RNF150: variants seen among roughly 807,000 people sequenced by gnomAD.
RNF150 encodes ring finger protein 150.
Under a neutral mutation model 39.3 loss-of-function variants are expected in RNF150, and 24 were observed. The observed-to-expected ratio is 0.61, with a 90% CI of 0.44 to 0.86. RNF150 has a LOEUF of 0.86. Ranked by LOEUF, RNF150 falls within the 40% of genes least tolerant of loss-of-function variation. The pLI, the probability that RNF150 is intolerant of heterozygous loss-of-function variation, is 0.00. For synonymous variants in RNF150, 255 were observed against 227.3 expected, an observed-to-expected ratio of 1.12 and a Z score of -1.10; for missense variants, 502 against 587.8, an observed-to-expected ratio of 0.85 and a Z score of 1.51.
At chr4:141,049,747 T>C (rs1056148229) in intron 1 of RNF150, among the ~76,000 whole-genome samples, 4 of 151,950 alleles carry the variant, frequency 2.6e-5, no homozygotes, top group Admixed American at 1.3e-4. Flanking sequence ...TAAATTCATC[T>C]ATGGATATAA....
rs139463111 is a variant in RNF150, at chr4:140,868,265, G to T, written c.1313C>A (p.Ser438Tyr). ...STDQDCEEVK[S>Y] ...TTTGCTTCTGGATTTGTCGTTTCAA[G>T]ATTTCACTTCTTCACAGTCCTGGTC... The change falls in exon 7 of 7, where the codon TCT becomes TAT. Residue 438 changes from serine (S) to tyrosine (Y), a missense_variant. Coordinates refer to ENST00000515673, the MANE Select transcript of RNF150 (RefSeq NM_020724.2). 6.4e-7 allele frequency: 1 copy of T among 1,567,118 alleles called. No individual in the cohort carries two copies. The highest frequency in any genetic ancestry group is 8.8e-7 in the Non-Finnish European group (1 of 1,137,548).
chr4:141,132,524 C>G lies in RNF150; in HGVS notation c.285G>C (p.Ser95=). ...GGTCGCAGGCCAGGCGGTCGTGGGC[C>G]GAGCTGGCCATGACCACCTCCCCGC... The part of the protein sequence containing the change: ...DARGEVVMAS[S]AHDRLACDPN... The change falls in exon 1 of 7, where the codon TCG becomes TCC. Residue 95 remains serine (S), a synonymous_variant. Coordinates refer to ENST00000515673, the MANE Select transcript of RNF150 (RefSeq NM_020724.2). This position sits in a 1 kb window ranked among gnomAD's most constrained non-coding sequence, Gnocchi z 4.9. The G allele has an allele frequency of 1.2e-6, 2 of 1,601,222 alleles. No individual in the cohort carries two copies. Among genetic ancestry groups the G allele is most frequent in the East Asian group, 2.3e-5 (1 of 44,244 alleles).
chr4:140,875,162 CGT>C (rs914623287), intron 6 of RNF150, among the ~76,000 whole-genome samples: 4 of 141,616 alleles, frequency 2.8e-5, no homozygotes, highest in Admixed American at 7.1e-5. Context: ...ACAATCATTA[CGT>C]TTTTTTTTTT....
At chr4:141,187,001 A>T (rs1728024625) in intron 1 of RNF150, among the ~76,000 whole-genome samples, 1 of 152,116 alleles carries the variant, frequency 6.6e-6, no homozygotes, top group Non-Finnish European at 1.5e-5. Flanking sequence ...AGTGCAATAG[A>T]TTTCCCTGGA....
chr4:140,916,191 C>T (rs553373571), intron 5 of RNF150, among the ~76,000 whole-genome samples: 12 of 152,236 alleles, frequency 7.9e-5, no homozygotes, highest in East Asian at 3.9e-4. Flanking sequence ...CAAAGCTGGA[C>T]GGAGAATGAC....
chr4:141,000,233 T>A (rs2111503337), intron 1 of RNF150, among the ~76,000 whole-genome samples: 1 of 152,294 alleles, frequency 6.6e-6, no homozygotes, highest in Admixed American at 6.5e-5. Context: ...CAGGCAAGCC[T>A]CTTCAAGGAA....
At chr4:141,048,143 A>G (rs1489523775) in intron 1 of RNF150, among the ~76,000 whole-genome samples, 1 of 152,222 alleles carries the variant, frequency 6.6e-6, no homozygotes, top group Non-Finnish European at 1.5e-5. Flanking sequence ...TGTCATTTAA[A>G]GCTATTTTAT....
chr4:140,978,563 AGAATTATT>A (rs1365565501), intron 1 of RNF150, among the ~76,000 whole-genome samples: 3 of 152,182 alleles, frequency 2.0e-5, no homozygotes, highest in African/African-American at 7.2e-5. Context: ...ATGTAGAATA[AGAATTATT>A]GAATTATTGA....
At chr4:141,118,162 A>T (rs1726490714) in intron 1 of RNF150, among the ~76,000 whole-genome samples, 1 of 152,062 alleles carries the variant, frequency 6.6e-6, no homozygotes, top group Non-Finnish European at 1.5e-5. Context: ...GACCCGTTAC[A>T]TGGCCCCAAA....
chr4:141,193,359 A>C (rs1413526282), intron 1 of RNF150, among the ~76,000 whole-genome samples: 1 of 152,214 alleles, frequency 6.6e-6, no homozygotes, highest in African/African-American at 2.4e-5. Context: ...TTTTGTGCCC[A>C]ATCTTGGGCT....
chr4:140,876,153 T>C (rs1456721112), intron 6 of RNF150, among the ~76,000 whole-genome samples: 2 of 152,220 alleles, frequency 1.3e-5, no homozygotes, highest in African/African-American at 2.4e-5. Context: ...AAAAATGGCA[T>C]CCTTCTGTCC....
chr4:141,135,637 C>T (rs1051164523), upstream of RNF150, among the ~76,000 whole-genome samples: 7 of 152,300 alleles, frequency 4.6e-5, no homozygotes, highest in Admixed American at 6.5e-5. Flanking sequence ...GAAATACCTA[C>T]TGATAAGGAT....
intron 6 of RNF150, among the ~76,000 whole-genome samples, chr4:140,900,820 T>TTATATATATATATA (rs3033126): frequency 6.6e-6 from 1 of 150,710 alleles, no homozygotes; most frequent in African/African-American, 2.4e-5. Context: ...GCTAGGAACT[T>TTATATATATATATA]TATATATATA....
intron 1 of RNF150, among the ~76,000 whole-genome samples, chr4:141,076,829 C>G (rs1737913519): frequency 6.6e-6 from 1 of 151,932 alleles, no homozygotes; most frequent in African/African-American, 2.4e-5. Flanking sequence ...AAATTGTATT[C>G]ATTTTAAAAT....
At chr4:141,209,961 T>C (rs1011980148) in intron 1 of RNF150, among the ~76,000 whole-genome samples, 1 of 152,158 alleles carries the variant, frequency 6.6e-6, no homozygotes, top group African/African-American at 2.4e-5. Context: ...AACTATTGTA[T>C]TGGAAGTCTT....
intron 1 of RNF150, among the ~76,000 whole-genome samples, chr4:141,108,466 T>C (rs1739283793): frequency 6.6e-6 from 1 of 152,204 alleles, no homozygotes; most frequent in South Asian, 2.1e-4. Flanking sequence ...CCAAGTTCTA[T>C]ACTAAGTGCT....
chr4:141,082,437 T>A (rs1738190660), intron 1 of RNF150, among the ~76,000 whole-genome samples: 1 of 152,068 alleles, frequency 6.6e-6, no homozygotes, highest in African/African-American at 2.4e-5. Context: ...ATTTCCTGAC[T>A]GTTCTGGTCT....
chr4:140,907,711 C>T (rs1167140336), intron 6 of RNF150, among the ~76,000 whole-genome samples: 3 of 152,202 alleles, frequency 2.0e-5, no homozygotes, highest in Non-Finnish European at 4.4e-5. Flanking sequence ...TGTCTCTGAG[C>T]ATAGCATTGC....
chr4:141,174,644 C>T (rs977157541), intron 1 of RNF150, among the ~76,000 whole-genome samples: 8 of 152,018 alleles, frequency 5.3e-5, no homozygotes, highest in Admixed American at 4.6e-4. Context: ...CCTACTCTGC[C>T]TTGAAAGGCA....
Sources: gnomAD v4.1 joint callset for allele counts (sites outside exome capture counted in the v4.1 genomes callset) on GRCh38, gnomAD v4.1.1 for gene constraint, Gnocchi (gnomAD v3.1) non-coding constraint, MANE v1.5 for transcripts, NCBI Gene and HGNC (gene_info 2026-07-23, HGNC 2026-07-21) for gene names.